Variants in GATA4 observed in about 807,000 individuals in gnomAD.
The protein encoded by GATA4 is transcription factor GATA-4.
Under a neutral mutation model 37.9 loss-of-function variants are expected in GATA4, and 7 were observed. The observed-to-expected ratio is 0.18, with a 90% confidence interval of 0.11 to 0.35. GATA4 has a LOEUF of 0.35. Among genes scored for constraint, GATA4 ranks in the 10% least tolerant of loss-of-function variants. The probability of loss-of-function intolerance (pLI) is 1.00; values close to 1 mark genes in which losing one functional copy is unlikely to be tolerated. For missense variants in GATA4, 647 were observed against 653.0 expected, an observed-to-expected ratio of 0.99 and a Z score of 0.10; for synonymous variants, 372 against 292.6, an observed-to-expected ratio of 1.27 and a Z score of -2.77.
At chr8:11,699,784 T>C (rs1024174215), upstream of GATA4, among the ~76,000 whole-genome samples, 1 of 152,370 alleles carries the variant, frequency 6.6e-6, no homozygotes, top group South Asian at 2.1e-4. Context: ...TGTTCAGAGA[T>C]TCCTTTCCAC....
chr8:11,750,298 C>G (rs778727197), intron 4 of GATA4, 62 bp downstream of exon 4: 164 of 1,600,480 alleles, frequency 1.0e-4, no homozygotes, highest in Non-Finnish European at 1.3e-4. Context: ...TCAGTCCTCC[C>G]TTGTCTTCTT....
chr8:11,708,592 G>A lies in GATA4; in HGVS notation c.280G>A (p.Ala94Thr), dbSNP rs780764610. ...QGSPGWSQAG[A>T]DGAAYTPPPV... Reference sequence around the variant, plus strand: ...CAGCCCGGGATGGAGCCAGGCGGGAGCCGACGGAGCCGCTTACACCCCGCC... The same window carrying A: ...CAGCCCGGGATGGAGCCAGGCGGGAACCGACGGAGCCGCTTACACCCCGCC... The change falls in exon 2 of 7, where the codon GCC becomes ACC. Residue 94 changes from alanine to threonine, a missense_variant. Ala to Thr is a moderately conservative substitution (Grantham distance 58). Coordinates refer to ENST00000532059, the MANE Select transcript of GATA4 (RefSeq NM_001308093.3). This position sits in a 1 kb window ranked among gnomAD's most constrained non-coding sequence, Gnocchi z 6.7. The A allele has an allele frequency of 1.4e-5, 19 of 1,357,404 alleles. No homozygotes were observed. In the African/African-American group the frequency reaches 2.9e-4, roughly 21 times the overall value. 84.1% of individuals were successfully genotyped at this position (1,357,404 alleles called of 1,614,324 possible).
chr8:11,743,815 T>C (rs557266740), intron 2 of GATA4, among the ~76,000 whole-genome samples: 1 of 152,320 alleles, frequency 6.6e-6, no homozygotes, highest in East Asian at 1.9e-4. Context: ...AGCAGCTTGT[T>C]TAATTGATAG....
intron 5 of GATA4, 117 bp downstream of exon 5, chr8:11,755,250 ATCGGACATCCCTGGCCTT>A: frequency 1.3e-6 from 1 of 769,672 alleles, no homozygotes; most frequent in East Asian, 2.7e-5. Context: ...TGGTGACAGC[ATCGGACATCCCTGGCCTT>A]TCAGGACAGG....
intron 2 of GATA4, among the ~76,000 whole-genome samples, chr8:11,729,836 G>A (rs1457722341): frequency 6.6e-6 from 1 of 152,200 alleles, no homozygotes; most frequent in Non-Finnish European, 1.5e-5. Context: ...GGAAAATGAG[G>A]AGTTACTTAT....
At chr8:11,694,407 G>A (rs1199012107) in intron 1 of GATA4, 1 of 835,714 alleles carries the variant, frequency 1.2e-6, no homozygotes, top group African/African-American at 1.8e-5. Flanking sequence ...TAAGGTCAGA[G>A]CTGGCGTGGC....
At chr8:11,706,962 G>A (rs570710055) in intron 1 of GATA4, among the ~76,000 whole-genome samples, 1 of 152,164 alleles carries the variant, frequency 6.6e-6, no homozygotes, top group Middle Eastern at 3.4e-3. Flanking sequence ...ATAACAAAAC[G>A]CAGGATGCTG....
intron 5 of GATA4, chr8:11,756,360 C>T (rs938178533): frequency 5.9e-5 from 10 of 168,470 alleles, no homozygotes; most frequent in Admixed American, 1.1e-4. Flanking sequence ...TGCTTCCCTA[C>T]TGCTGACGAG....
chr8:11,701,785 G>A (rs1799684865), upstream of GATA4, among the ~76,000 whole-genome samples: 1 of 152,018 alleles, frequency 6.6e-6, no homozygotes, highest in Non-Finnish European at 1.5e-5. Context: ...AATATTCCTG[G>A]GTCAGGGGAT....
intron 1 of GATA4, among the ~76,000 whole-genome samples, chr8:11,706,770 C>T (rs911150664): frequency 2.0e-5 from 3 of 152,282 alleles, no homozygotes; most frequent in African/African-American, 7.2e-5. Flanking sequence ...TCCCCCACCC[C>T]TTCTGATTGT....
chr8:11,691,632 G>A (rs1467232031), upstream of GATA4, among the ~76,000 whole-genome samples: 3 of 152,138 alleles, frequency 2.0e-5, no homozygotes, highest in East Asian at 3.9e-4. Flanking sequence ...TAAGTGACTC[G>A]CCTGTGGGCA....
chr8:11,735,279 T>C (rs1429551900), intron 2 of GATA4, among the ~76,000 whole-genome samples: 1 of 152,278 alleles, frequency 6.6e-6, no homozygotes, highest in Non-Finnish European at 1.5e-5. Context: ...GCAATGCTTA[T>C]GTTCTTCAGA....
chr8:11,749,221 T>A lies in GATA4; in HGVS notation c.786+136T>A. ...ACGTGGGTGAGAGCCCCATAATAAT[T>A]CTCACAACTTTAGAGTTAGCTGGAG... On this transcript the variant is annotated intron_variant, in intron 3 of 6. Coordinates refer to ENST00000532059, the MANE Select transcript of GATA4 (RefSeq NM_001308093.3). This position sits in a 1 kb window ranked among gnomAD's most constrained non-coding sequence, Gnocchi z 4.6. 1 of 853,710 alleles carries A rather than the reference T, an allele frequency of 1.2e-6. No homozygotes were observed. The highest frequency in any genetic ancestry group is 1.5e-5 in the South Asian group (1 of 65,886). The allele number at this position is 853,710 out of a possible 1,614,324, so 52.9% of individuals were successfully genotyped here. A position where few individuals can be genotyped will look rare whatever the true frequency, so the allele number is the denominator to read the frequency against.
chr8:11,693,596 CAG>C (rs1438483589), intron 1 of GATA4, among the ~76,000 whole-genome samples: 2 of 115,498 alleles, frequency 1.7e-5, no homozygotes, highest in South Asian at 2.7e-4. Context: ...GAGAGAGAGA[CAG>C]AGGATTGATT....
intron 2 of GATA4, among the ~76,000 whole-genome samples, chr8:11,742,537 C>G (rs1275486724): frequency 6.6e-6 from 1 of 152,194 alleles, no homozygotes; most frequent in African/African-American, 2.4e-5. Flanking sequence ...GAAGCAGAGG[C>G]CTTGGACTCT....
At chr8:11,696,335 G>A (rs1229545489) in intron 1 of GATA4, among the ~76,000 whole-genome samples, 1 of 151,434 alleles carries the variant, frequency 6.6e-6, no homozygotes, top group Non-Finnish European at 1.5e-5. Context: ...CTATTGTTCT[G>A]TCTTCTTCAG....
At chr8:11,744,429 A>T (rs1317235031) in intron 2 of GATA4, among the ~76,000 whole-genome samples, 1 of 152,124 alleles carries the variant, frequency 6.6e-6, no homozygotes, top group Non-Finnish European at 1.5e-5. Context: ...GGATGCCAGC[A>T]CTGGGTGGGA....
chr8:11,756,805 C>A (rs1585702499), intron 5 of GATA4, 130 bp from the exon 6 acceptor site: 20 of 1,222,076 alleles, frequency 1.6e-5, no homozygotes, highest in Non-Finnish European at 2.4e-5. Context: ...CAGATAAGGA[C>A]CTCTGCTGCT....
At chr8:11,730,221 G>A (rs984567447) in intron 2 of GATA4, among the ~76,000 whole-genome samples, 2 of 152,188 alleles carry the variant, frequency 1.3e-5, no homozygotes, top group African/African-American at 4.8e-5. Context: ...GCCTCAGTGA[G>A]TGGTTTTGTG....
Sources: gnomAD v4.1 joint callset for allele counts (sites outside exome capture counted in the v4.1 genomes callset) on GRCh38, gnomAD v4.1.1 for gene constraint, Gnocchi (gnomAD v3.1) non-coding constraint, MANE v1.5 for transcripts, NCBI Gene and HGNC (gene_info 2026-07-23, HGNC 2026-07-21) for gene names.